Variants in PKNOX2 observed in about 807,000 individuals in gnomAD.
PKNOX2 encodes the protein homeobox protein PKNOX2.
In PKNOX2, 14 loss-of-function variants were observed where a neutral mutation model predicts 53.1. The observed-to-expected ratio is 0.26, with a 90% CI of 0.17 to 0.41. The LOEUF is 0.41. Among genes scored for constraint, PKNOX2 ranks in the 10% least tolerant of loss-of-function variants. The pLI, the probability that PKNOX2 is intolerant of heterozygous loss-of-function variation, is 1.00. For synonymous variants in PKNOX2, 257 were observed against 242.8 expected, an observed-to-expected ratio of 1.06 and a Z score of -0.54; for missense variants, 496 against 602.8, an observed-to-expected ratio of 0.82 and a Z score of 1.85.
chr11:125,385,805 A>G (rs1953588485), intron 6 of PKNOX2, 83 bp downstream of exon 6: 1 of 1,489,960 alleles, frequency 6.7e-7, no homozygotes. Flanking sequence ...TGATCCTTTC[A>G]TTAATTTACC....
In PKNOX2 at chr11:125,421,410, A is replaced by G. The variant is rs376698762; in HGVS notation, c.937-7602A>G. Among the ~76,000 whole-genome samples, 61 of 152,338 alleles carry G rather than the reference A, an allele frequency of 4.0e-4. No individual in the cohort carries two copies. The South Asian group carries it at 7.0e-3, about 18-fold the overall frequency. On this transcript the variant is annotated intron_variant, in intron 10 of 12. Transcript: ENST00000298282. ...TCTGGGGATATCTTGCCTGCAGAAA[A>G]GAAGACTCGGGCAGCCTGTTCCTTT...
At chr11:125,365,389 A>T (rs945385809) in intron 4 of PKNOX2, among the ~76,000 whole-genome samples, 5 of 152,110 alleles carry the variant, frequency 3.3e-5, no homozygotes, top group Admixed American at 3.3e-4. Flanking sequence ...GACACTTTTG[A>T]TATATTGAGC....
chr11:125,306,589 G>A (rs1948476588), intron 2 of PKNOX2, among the ~76,000 whole-genome samples: 1 of 152,168 alleles, frequency 6.6e-6, no homozygotes, highest in South Asian at 2.1e-4. Flanking sequence ...ACATTTCCCA[G>A]ACAGTTATTG....
At chr11:125,408,527 G>GCTC (rs1955259696) in intron 7 of PKNOX2, among the ~76,000 whole-genome samples, 3 of 152,204 alleles carry the variant, frequency 2.0e-5, no homozygotes, top group Admixed American at 1.3e-4. Flanking sequence ...GGCGTGCTTG[G>GCTC]CTCCTCTCCT....
intron 1 of PKNOX2, among the ~76,000 whole-genome samples, chr11:125,172,164 G>A (rs1955370940): frequency 6.6e-6 from 1 of 152,194 alleles, no homozygotes; most frequent in African/African-American, 2.4e-5. Context: ...GGACTAGAAG[G>A]AGGAGCTTAG....
chr11:125,207,913 C>T (rs894682898), intron 1 of PKNOX2, among the ~76,000 whole-genome samples: 1 of 151,998 alleles, frequency 6.6e-6, no homozygotes, highest in Non-Finnish European at 1.5e-5. Flanking sequence ...ATTTAGTCAT[C>T]CATTTTTTTA....
At chr11:125,297,815 G>A (rs1947756984) in intron 2 of PKNOX2, among the ~76,000 whole-genome samples, 1 of 152,162 alleles carries the variant, frequency 6.6e-6, no homozygotes, top group Admixed American at 6.5e-5. Flanking sequence ...GCTCAGCTCA[G>A]CGTCATCTCC....
intron 2 of PKNOX2, among the ~76,000 whole-genome samples, chr11:125,264,846 C>G (rs533262316): frequency 6.6e-6 from 1 of 152,142 alleles, no homozygotes; most frequent in Non-Finnish European, 1.5e-5. Flanking sequence ...AGAAGCTGCA[C>G]GGGTTCCCAT....
Position 125,240,676 on chromosome 11 carries a change from C to A in PKNOX2, c.-130+5561C>A, listed in dbSNP as rs1245151616. 6.6e-6 allele frequency among the ~76,000 whole-genome samples: 1 copy of A among 152,152 alleles called. No homozygotes were observed. Among genetic ancestry groups the A allele is most frequent in the Non-Finnish European group, 1.5e-5 (1 of 68,028 alleles). The stretch of plus-strand genomic sequence containing the variant: ...TTCTCTGTGGTGCCTGTCACTTCCA[C>A]CATTACCCATTCTCAGATCCTTCTC... On this transcript the variant is annotated intron_variant, in intron 2 of 12. Transcript: ENST00000298282. The surrounding 1 kb of genome is among the most constrained non-coding windows in gnomAD (Gnocchi z 4.3).
At chr11:125,189,021 G>C (rs1226282213) in intron 1 of PKNOX2, among the ~76,000 whole-genome samples, 4 of 152,058 alleles carry the variant, frequency 2.6e-5, no homozygotes, top group African/African-American at 9.7e-5. Flanking sequence ...TCTGATGGAA[G>C]ACACCTAAGC....
chr11:125,396,721 T>C (rs561146229), intron 6 of PKNOX2, among the ~76,000 whole-genome samples: 2 of 152,300 alleles, frequency 1.3e-5, no homozygotes, highest in African/African-American at 2.4e-5. Context: ...ATATGCAACA[T>C]TTAAAAATAT....
At chr11:125,247,506 G>A (rs564554571) in intron 2 of PKNOX2, among the ~76,000 whole-genome samples, 9 of 152,308 alleles carry the variant, frequency 5.9e-5, no homozygotes, top group Admixed American at 5.2e-4. Flanking sequence ...TGTCTGCAGG[G>A]CAGATTATGC....
Position 125,166,602 on chromosome 11 carries a change from C to T in PKNOX2, c.-201+1826C>T, listed in dbSNP as rs1301710777. 1.3e-5 allele frequency among the ~76,000 whole-genome samples: 2 copies of T among 152,092 alleles called. No individual in the cohort carries two copies. Among genetic ancestry groups the T allele is most frequent in the East Asian group, 1.9e-4 (1 of 5,134 alleles). ...CGGGAGCGGTGGCCCGCAGGGGCCG[C>T]GGCCTGCGATGAAGGCCGGGGGGCA... On this transcript the variant is annotated intron_variant, in intron 1 of 12. Transcript: ENST00000298282. The surrounding 1 kb of genome is among the most constrained non-coding windows in gnomAD (Gnocchi z 4.0).
intron 1 of PKNOX2, among the ~76,000 whole-genome samples, chr11:125,185,599 C>T (rs1353572406): frequency 6.6e-6 from 1 of 152,130 alleles, no homozygotes; most frequent in African/African-American, 2.4e-5. Flanking sequence ...TAAGCAGAAT[C>T]ATAATTTATT....
chr11:125,343,085 C>T (rs922497896), intron 3 of PKNOX2, among the ~76,000 whole-genome samples: 25 of 151,970 alleles, frequency 1.6e-4, no homozygotes, highest in Non-Finnish European at 4.4e-5. Flanking sequence ...CACCCCAGGG[C>T]AGCAGCTGTG....
At chr11:125,253,699 C>T (rs35131359) in intron 2 of PKNOX2, among the ~76,000 whole-genome samples, 5,907 of 152,218 alleles carry the variant, frequency 0.039, 178 homozygotes, top group Non-Finnish European at 0.056. Context: ...TCACTGGCAC[C>T]CAGCACAGAG....
At chr11:125,235,715 T>C (rs924949458) in intron 2 of PKNOX2, among the ~76,000 whole-genome samples, 1 of 152,124 alleles carries the variant, frequency 6.6e-6, no homozygotes, top group Non-Finnish European at 1.5e-5. Flanking sequence ...CCTTCCTAGG[T>C]AACGCCAGCT....
At chr11:125,363,157 C>T (rs1294586413) in intron 4 of PKNOX2, among the ~76,000 whole-genome samples, 2 of 152,122 alleles carry the variant, frequency 1.3e-5, no homozygotes, top group African/African-American at 2.4e-5. Flanking sequence ...ACATGGGAAG[C>T]GCAGAACCCG....
At chr11:125,242,160 C>T (rs531566095) in intron 2 of PKNOX2, among the ~76,000 whole-genome samples, 8 of 152,244 alleles carry the variant, frequency 5.3e-5, no homozygotes, top group South Asian at 2.1e-4. Flanking sequence ...CTTGGTGTGT[C>T]GCTGTCTCAT....
Sources: allele counts gnomAD v4.1 joint callset (sites outside exome capture counted in the v4.1 genomes callset), GRCh38; gene constraint gnomAD v4.1.1; non-coding constraint Gnocchi (gnomAD v3.1); transcripts MANE v1.5; gene names NCBI Gene and HGNC (gene_info 2026-07-23, HGNC 2026-07-21).